Variants in KCNMA1 observed in about 807,000 individuals in gnomAD.
KCNMA1 encodes the protein potassium calcium-activated channel subfamily M alpha 1.
A neutral mutation model predicts 140.0 loss-of-function variants in KCNMA1; 29 were observed. That is an observed-to-expected ratio of 0.21 (90% CI 0.15 to 0.28). KCNMA1 has a LOEUF of 0.28. KCNMA1 is among the 10% of genes least tolerant of loss of function. The pLI, the probability that KCNMA1 is intolerant of heterozygous loss-of-function variation, is 1.00. For missense variants in KCNMA1, 880 were observed against 1,602.2 expected, an observed-to-expected ratio of 0.55 and a Z score of 7.70; for synonymous variants, 612 against 611.9, an observed-to-expected ratio of 1.00 and a Z score of 0.00.
intron 15 of KCNMA1, among the ~76,000 whole-genome samples, chr10:77,028,153 G>C: frequency 6.6e-6 from 1 of 152,130 alleles, no homozygotes. Flanking sequence ...CAGAGCCCAA[G>C]CAGGAATTTG....
intron 1 of KCNMA1, among the ~76,000 whole-genome samples, chr10:77,605,668 AGTT>A (rs1207051555): frequency 6.6e-6 from 1 of 152,216 alleles, no homozygotes; most frequent in Non-Finnish European, 1.5e-5. Flanking sequence ...ACTCTGGCCC[AGTT>A]GAGGGAGGTG....
At chr10:77,441,962 G>A (rs186723425) in intron 1 of KCNMA1, among the ~76,000 whole-genome samples, 229 of 152,292 alleles carry the variant, frequency 1.5e-3, no homozygotes, top group African/African-American at 5.4e-3. Flanking sequence ...CACAGCCTCA[G>A]GGCGGCTTCA....
At chr10:77,622,929 A>G (rs893627489) in intron 1 of KCNMA1, among the ~76,000 whole-genome samples, 71 of 152,362 alleles carry the variant, frequency 4.7e-4, no homozygotes, top group African/African-American at 1.7e-3. Flanking sequence ...GCTATCTTAG[A>G]GACCGGAGGT....
intron 2 of KCNMA1, among the ~76,000 whole-genome samples, chr10:77,296,907 G>GTT (rs1424251194): frequency 7.0e-6 from 1 of 142,370 alleles, no homozygotes; most frequent in Non-Finnish European, 1.6e-5. Flanking sequence ...GCCTGGGTGT[G>GTT]TGGGCGGGGG....
At chr10:76,952,724 C>A (rs937400217) in intron 21 of KCNMA1, among the ~76,000 whole-genome samples, 1 of 152,144 alleles carries the variant, frequency 6.6e-6, no homozygotes, top group Non-Finnish European at 1.5e-5. Context: ...GCTGAGAACA[C>A]ACATACACAT....
intron 2 of KCNMA1, among the ~76,000 whole-genome samples, chr10:77,291,703 A>G (rs920562732): frequency 3.4e-4 from 51 of 152,226 alleles, no homozygotes; most frequent in African/African-American, 1.1e-3. Context: ...GTCCTGGGAT[A>G]GGGGGCATCT....
At chr10:76,988,660 T>C (rs533986382) in intron 19 of KCNMA1, among the ~76,000 whole-genome samples, 1 of 152,236 alleles carries the variant, frequency 6.6e-6, no homozygotes, top group Non-Finnish European at 1.5e-5. Flanking sequence ...TGTTCCAACT[T>C]TCCCTCCCTC....
intron 1 of KCNMA1, among the ~76,000 whole-genome samples, chr10:77,464,503 C>A (rs185898882): frequency 6.6e-6 from 1 of 151,960 alleles, no homozygotes; most frequent in East Asian, 1.9e-4. Context: ...GGGGAAGCAG[C>A]GGGTCTGAGT....
At position 77,439,676 on chromosome 10, in the gene KCNMA1, A is replaced by G. The variant is rs1298252916; in HGVS notation, c.379-35653T>C. ...CAGCAGGAGAGGCAGTACTCGGAAA[A>G]GGGCAGCGGTACCTATCTTCGGAGC... On this transcript the variant is annotated intron_variant, in intron 1 of 27. Coordinates refer to ENST00000286628, the MANE Select transcript of KCNMA1 (RefSeq NM_001161352.2). Among the ~76,000 whole-genome samples the G allele has an allele frequency of 3.3e-5, 5 of 152,274 alleles. No homozygotes were observed. In the East Asian group the frequency reaches 7.7e-4, roughly 24 times the overall value.
intron 23 of KCNMA1, among the ~76,000 whole-genome samples, chr10:76,916,311 T>G (rs1289103811): frequency 6.6e-6 from 1 of 152,146 alleles, no homozygotes; most frequent in African/African-American, 2.4e-5. Context: ...GGGTCCCAGG[T>G]CCAAGCCAAG....
At chr10:77,091,000 G>C (rs564910669) in intron 9 of KCNMA1, 9 of 186,458 alleles carry the variant, frequency 4.8e-5, no homozygotes, top group Admixed American at 4.8e-4. Context: ...CTTTTATCAG[G>C]GTGGCTAATG....
intron 24 of KCNMA1, 65 bp downstream of exon 24, chr10:76,914,871 C>T: frequency 8.4e-7 from 1 of 1,197,332 alleles, no homozygotes; most frequent in South Asian, 1.2e-5. Flanking sequence ...AACCAACCTC[C>T]TCATATCCTG....
At position 77,513,716 on chromosome 10, in the gene KCNMA1, G is replaced by C. The variant is rs530358163; in HGVS notation, c.379-109693C>G. 2.6e-5 allele frequency among the ~76,000 whole-genome samples: 4 copies of C among 152,372 alleles called. No individual in the cohort carries two copies. In the South Asian group the frequency reaches 8.3e-4, roughly 32 times the overall value. On this transcript the variant is annotated intron_variant, in intron 1 of 27. Coordinates refer to ENST00000286628, the MANE Select transcript of KCNMA1 (RefSeq NM_001161352.2). ...ATTTTGTTAAATATGTGAGGCCACA[G>C]GGCGAGGGAAGCACAAACCACTCCA...
At chr10:76,973,151 C>T (rs2076552217) in intron 19 of KCNMA1, 2 of 152,134 alleles carry the variant, frequency 1.3e-5, no homozygotes, top group South Asian at 4.1e-4. Flanking sequence ...AATACACCTC[C>T]ATCTATGGCA....
At chr10:77,012,683 A>G in intron 17 of KCNMA1, 1 of 753,704 alleles carries the variant, frequency 1.3e-6, no homozygotes, top group Non-Finnish European at 2.2e-6. Context: ...AGCCCTGAGA[A>G]CATGCACTAA....
chr10:77,358,884 C>T (rs1325356154), intron 2 of KCNMA1, among the ~76,000 whole-genome samples: 3 of 152,218 alleles, frequency 2.0e-5, no homozygotes, highest in Non-Finnish European at 2.9e-5. Flanking sequence ...GCCACCTCAT[C>T]CCTGTCGTCA....
At chr10:77,608,505 C>G (rs1006398040) in intron 1 of KCNMA1, among the ~76,000 whole-genome samples, 1 of 152,108 alleles carries the variant, frequency 6.6e-6, no homozygotes, top group African/African-American at 2.4e-5. Context: ...GAAGCCTTCC[C>G]TGAGCCCCGG....
chr10:77,572,603 T>TATATATATATATATAA (rs1491270036), intron 1 of KCNMA1, among the ~76,000 whole-genome samples: 41 of 98,648 alleles, frequency 4.2e-4, no homozygotes, highest in Non-Finnish European at 7.5e-4. Flanking sequence ...TATATATATA[T>TATATATATATATATAA]AAATTAGCTG....
At position 76,947,490 on chromosome 10, in the gene KCNMA1, A is replaced by G. The variant is rs569325395; in HGVS notation, c.2709+1652T>C. Among the ~76,000 whole-genome samples the G allele has an allele frequency of 2.4e-4, 37 of 152,316 alleles. 1 individual carries two copies. In the South Asian group the frequency reaches 7.2e-3, roughly 30 times the overall value. On this transcript the variant is annotated intron_variant, in intron 22 of 27. Transcript: ENST00000286628. Reference sequence around the variant, plus strand: ...CACACACAGACTCATGTATCCTGGTAAAATAATAAACCCTTTACAAAGACA... The same window carrying G: ...CACACACAGACTCATGTATCCTGGTGAAATAATAAACCCTTTACAAAGACA...
Sources: gnomAD v4.1 joint callset for allele counts (sites outside exome capture counted in the v4.1 genomes callset) on GRCh38, gnomAD v4.1.1 for gene constraint, MANE v1.5 for transcripts, NCBI Gene and HGNC (gene_info 2026-07-23, HGNC 2026-07-21) for gene names.